The following CEP63 variants were observed in gnomAD, a reference collection of about 807,000 sequenced individuals.
The protein encoded by CEP63 is centrosomal protein of 63 kDa.
In CEP63, 84 loss-of-function variants were observed where a neutral mutation model predicts 89.1. That is an observed-to-expected ratio of 0.94 (90% CI 0.79 to 1.13). CEP63 has a LOEUF of 1.13. Among genes scored for constraint, CEP63 ranks in the 50% most tolerant of loss-of-function variants. The pLI, the probability that CEP63 is intolerant of heterozygous loss-of-function variation, is 0.00. For synonymous variants in CEP63, 267 were observed against 272.5 expected (o/e 0.98, Z 0.20); for missense variants, 838 against 813.3 (o/e 1.03, Z -0.37).
the CEP63 span, among the ~76,000 whole-genome samples, chr3:134,662,721 A>C: frequency 6.6e-6 from 1 of 152,246 alleles, no homozygotes; most frequent in Non-Finnish European, 1.5e-5. Context: ...AGGACAATTG[A>C]AAAGCATGCC....
At chr3:134,538,529 G>GTATATATA (rs1209966685) in intron 6 of CEP63, among the ~76,000 whole-genome samples, 1 of 9,996 alleles carries the variant, frequency 1.0e-4, no homozygotes, top group Non-Finnish European at 5.3e-4. Flanking sequence ...AATTGTGTGT[G>GTATATATA]TGTGTATATA....
chr3:134,751,994 G>A, the CEP63 span, among the ~76,000 whole-genome samples: 8 of 152,066 alleles, frequency 5.3e-5, no homozygotes, highest in East Asian at 1.9e-4. Flanking sequence ...GGGCAGGGAC[G>A]GGGCTTTCCT....
chr3:134,497,756 G>A (rs1017322750), intron 2 of CEP63, among the ~76,000 whole-genome samples: 1 of 151,834 alleles, frequency 6.6e-6, no homozygotes, highest in Non-Finnish European at 1.5e-5. Context: ...TTTTAATATG[G>A]TGAGAGATAG....
At chr3:134,771,724 G>A in the CEP63 span, among the ~76,000 whole-genome samples, 104,628 of 152,172 alleles carry the variant, frequency 0.69, 37,805 homozygotes, top group East Asian at 0.88. Context: ...ACCACGGCAC[G>A]TGTATACCTA....
At chr3:134,626,231 C>T in the CEP63 span, among the ~76,000 whole-genome samples, 1 of 152,200 alleles carries the variant, frequency 6.6e-6, no homozygotes, top group African/African-American at 2.4e-5. Flanking sequence ...ATGTCGGGAG[C>T]CTCTGGGTGC....
At chr3:134,492,159 C>T (rs562687707) in intron 1 of CEP63, among the ~76,000 whole-genome samples, 2 of 149,706 alleles carry the variant, frequency 1.3e-5, no homozygotes, top group South Asian at 2.1e-4. Context: ...CTGCAAGCTC[C>T]GCCTCCCGGG....
At chr3:134,649,371 C>T in the CEP63 span, among the ~76,000 whole-genome samples, 5 of 152,130 alleles carry the variant, frequency 3.3e-5, no homozygotes, top group African/African-American at 4.8e-5. Flanking sequence ...TTTCTAGTGT[C>T]AGAGCCTTTA....
At position 134,563,885 on chromosome 3, in the gene CEP63, G is replaced by A. The variant is rs1377008793; in HGVS notation, c.*2350G>A. On this transcript the variant is annotated 3_prime_UTR_variant, in exon 15 of 15. Coordinates refer to ENST00000675561, the MANE Select transcript of CEP63 (RefSeq NM_001353108.3). The stretch of plus-strand genomic sequence containing the variant: ...AGTGCAGCAAGCTTTAACCTGTTCG[G>A]GTCTTTCATTTGCAGTTTACCCTGA... 6.6e-6 allele frequency: 1 copy of A among 152,158 alleles called. No homozygotes were observed. Among genetic ancestry groups the A allele is most frequent in the Admixed American group, 6.6e-5 (1 of 15,262 alleles). 9.4% of individuals were successfully genotyped at this position (152,158 alleles called of 1,614,324 possible). A position where few individuals can be genotyped will look rare whatever the true frequency, so the allele number is the denominator to read the frequency against.
At chr3:134,748,975 C>T in the CEP63 span, among the ~76,000 whole-genome samples, 1 of 152,112 alleles carries the variant, frequency 6.6e-6, no homozygotes, top group South Asian at 2.1e-4. Context: ...CAGGGAACCA[C>T]TTGCAGGTGG....
the CEP63 span, among the ~76,000 whole-genome samples, chr3:134,772,203 C>T: frequency 6.6e-6 from 1 of 152,170 alleles, no homozygotes; most frequent in Non-Finnish European, 1.5e-5. Context: ...GCACCATGGG[C>T]ATTATCTTCT....
chr3:134,577,796 C>T (rs1366336679), downstream of CEP63, among the ~76,000 whole-genome samples: 1 of 152,078 alleles, frequency 6.6e-6, no homozygotes, highest in African/African-American at 2.4e-5. Flanking sequence ...CGACAGGCCT[C>T]AGTGTGTGTT....
intron 1 of CEP63, 46 bp downstream of exon 1, chr3:134,486,248 C>G (rs916816688): frequency 1.4e-5 from 14 of 985,440 alleles, no homozygotes; most frequent in Non-Finnish European, 1.7e-5. Flanking sequence ...AACCCTGTAA[C>G]CGCCGGTGCG....
the CEP63 span, among the ~76,000 whole-genome samples, chr3:134,647,006 G>T: frequency 6.6e-6 from 1 of 152,192 alleles, no homozygotes; most frequent in East Asian, 1.9e-4. Flanking sequence ...CAGGCCAGCA[G>T]GGAGCTATAG....
chr3:134,501,633 C>T (rs947879116), intron 2 of CEP63, among the ~76,000 whole-genome samples: 5 of 151,750 alleles, frequency 3.3e-5, no homozygotes, highest in South Asian at 2.1e-4. Flanking sequence ...TCAGCTTGGA[C>T]GTTATTGCTG....
chr3:134,600,738 A>C, the CEP63 span: 1 of 152,228 alleles, frequency 6.6e-6, no homozygotes, highest in South Asian at 2.1e-4. Flanking sequence ...ATCCAGTCCT[A>C]TGTCAAGTGC....
chr3:134,583,322 T>G (rs1252043716), intron 10 of CEP63, among the ~76,000 whole-genome samples: 1 of 152,228 alleles, frequency 6.6e-6, no homozygotes, highest in African/African-American at 2.4e-5. Context: ...GGTCTAACAT[T>G]TAAGTCTTTA....
intron 5 of CEP63, among the ~76,000 whole-genome samples, chr3:134,534,577 C>T (rs1950427464): frequency 1.3e-5 from 2 of 152,114 alleles, no homozygotes; most frequent in South Asian, 4.1e-4. Context: ...TTTTTACTTT[C>T]CCCTTCATCT....
intron 3 of CEP63, chr3:134,511,139 G>T (rs1213771003): frequency 1.8e-5 from 3 of 169,556 alleles, no homozygotes; most frequent in South Asian, 1.3e-4. Context: ...ATGTCCTGGC[G>T]AATCAGGTTA....
chr3:134,651,551 G>T, the CEP63 span: 1 of 992,602 alleles, frequency 1.0e-6, no homozygotes, highest in African/African-American at 1.7e-5. Context: ...CCTTCCCTGG[G>T]TTGGTTTTGG....
Sources: gnomAD v4.1 joint callset for allele counts (sites outside exome capture counted in the v4.1 genomes callset) on GRCh38, gnomAD v4.1.1 for gene constraint, MANE v1.5 for transcripts, NCBI Gene and HGNC (gene_info 2026-07-23, HGNC 2026-07-21) for gene names.